CEP135: variants seen among roughly 807,000 people sequenced by gnomAD.
CEP135 encodes the protein centrosomal protein 135.
Under a neutral mutation model 157.3 loss-of-function variants are expected in CEP135, and 142 were observed. That is an observed-to-expected ratio of 0.90 (90% confidence interval 0.79 to 1.04). CEP135 has a LOEUF of 1.04. CEP135 is among the 50% of genes least tolerant of loss of function. The pLI, the probability that CEP135 is intolerant of heterozygous loss-of-function variation, is 0.00. For missense variants in CEP135, 1,317 were observed against 1,309.2 expected (o/e 1.01, Z -0.09); for synonymous variants, 396 against 439.8 (o/e 0.90, Z 1.25).
chr4:56,008,384 T>C lies in CEP135; in HGVS notation c.2336+2T>C. On this transcript the variant is annotated splice_donor_variant, in intron 18 of 25. Transcript: ENST00000257287. LOFTEE classifies it high-confidence loss of function. ...CTCAGAGTGTGAATCATCTGTGAAG[T>C]AAGTCATTAATGAAATTACATCCAG... 1 of 1,605,276 alleles carries C rather than the reference T, an allele frequency of 6.2e-7. No homozygotes were observed. The highest frequency in any genetic ancestry group is 1.1e-5 in the South Asian group (1 of 89,790).
intron 4 of CEP135, among the ~76,000 whole-genome samples, chr4:55,956,125 C>G (rs1728495458): frequency 6.6e-6 from 1 of 152,104 alleles, no homozygotes; most frequent in Non-Finnish European, 1.5e-5. Flanking sequence ...TAGCTTTGTT[C>G]AGGTGTGTGA....
chr4:55,978,350 A>T (rs1190308950), intron 11 of CEP135, among the ~76,000 whole-genome samples: 1 of 152,234 alleles, frequency 6.6e-6, no homozygotes, highest in African/African-American at 2.4e-5. Flanking sequence ...TAATGTGTTT[A>T]TGAAGAAAGT....
At chr4:56,026,743 C>A (rs1731171472) in intron 25 of CEP135, among the ~76,000 whole-genome samples, 1 of 152,128 alleles carries the variant, frequency 6.6e-6, no homozygotes, top group African/African-American at 2.4e-5. Flanking sequence ...TGCCAGGATG[C>A]ATTTGACTGA....
intron 17 of CEP135, 142 bp downstream of exon 17, chr4:55,999,787 G>A (rs1222236540): frequency 1.3e-6 from 1 of 757,864 alleles, no homozygotes; most frequent in South Asian, 2.1e-5. Context: ...CTATCTCTTG[G>A]GCTCAAGGAA....
intron 15 of CEP135, among the ~76,000 whole-genome samples, chr4:55,997,826 A>G (rs1249930581): frequency 6.6e-6 from 1 of 152,194 alleles, no homozygotes; most frequent in Non-Finnish European, 1.5e-5. Context: ...ATCCCATGGA[A>G]CAGCAGTTCT....
In CEP135 at chr4:55,954,377, A is replaced by T; in HGVS notation, c.466A>T (p.Thr156Ser). 1 of 1,590,174 alleles carries T rather than the reference A, an allele frequency of 6.3e-7. No individual in the cohort carries two copies. The highest frequency in any genetic ancestry group is 8.5e-7 in the Non-Finnish European group (1 of 1,172,012). ...QEKNLHAVVQTPGGKKRSIAF... is the reference protein window; with the variant it reads ...QEKNLHAVVQSPGGKKRSIAF... ...AAAGAATTTGCATGCTGTAGTACAA[A>T]CTCCAGGTAAATCGATTCCTTCTCG... The change falls in exon 4 of 26, where the codon ACT (threonine) becomes TCT (serine). Residue 156 changes from threonine to serine, a missense_variant. By Grantham distance (58) the Thr-to-Ser change is moderately conservative. Transcript: ENST00000257287.
chr4:55,972,711 T>A (rs965928148), intron 10 of CEP135, among the ~76,000 whole-genome samples: 1 of 152,236 alleles, frequency 6.6e-6, no homozygotes, highest in Non-Finnish European at 1.5e-5. Context: ...TGAGTTAATA[T>A]GTTGAAGTGC....
intron 17 of CEP135, among the ~76,000 whole-genome samples, chr4:56,004,583 A>G (rs1251062571): frequency 6.6e-6 from 1 of 152,158 alleles, no homozygotes; most frequent in Non-Finnish European, 1.5e-5. Flanking sequence ...ATACCTGGGA[A>G]CCTGGTGTTG....
rs377291462 is a variant in CEP135 at position 55,985,405 on chromosome 4, CTA to C, written c.1857+49_1857+50del. On this transcript the variant is annotated intron_variant, in intron 14 of 25. Coordinates refer to ENST00000257287, the MANE Select transcript of CEP135 (RefSeq NM_025009.5). ...GGGGTATCTTGTGTTATATGAATAACTATGTCAATTACAGTTTTAATACACTA... is the reference window on the plus strand; with the variant it reads ...GGGGTATCTTGTGTTATATGAATAACTGTCAATTACAGTTTTAATACACTA... 4.4e-5 allele frequency: 38 copies of C among 868,204 alleles called. No homozygotes were observed. The African/African-American group carries it at 5.6e-4, about 13-fold the overall frequency. The allele number at this position is 868,204 out of a possible 1,614,324, so 53.8% of individuals were successfully genotyped here. A position where few individuals can be genotyped will look rare whatever the true frequency, so the allele number is the denominator to read the frequency against.
chr4:55,950,862 A>G lies in CEP135; in HGVS notation c.-45-1224A>G, dbSNP rs1728342683. On this transcript the variant is annotated intron_variant, in intron 1 of 25. Coordinates refer to ENST00000257287, the MANE Select transcript of CEP135 (RefSeq NM_025009.5). The stretch of plus-strand genomic sequence containing the variant: ...AAATGTATACACTTGTGTAACCACT[A>G]CCCCAATCAATGTAATATTTTCATT... Among the ~76,000 whole-genome samples the G allele has an allele frequency of 2.0e-5, 3 of 152,130 alleles. No individual in the cohort carries two copies. In the South Asian group the frequency reaches 6.2e-4, roughly 32 times the overall value.
chr4:56,019,997 G>A lies in CEP135; in HGVS notation c.3215+442G>A, dbSNP rs567091644. Among the ~76,000 whole-genome samples, 228 of 152,228 alleles carry A rather than the reference G, an allele frequency of 1.5e-3. 1 individual carries two copies. Among genetic ancestry groups the A allele is most frequent in the South Asian group, 2.7e-3 (13 of 4,820 alleles). On this transcript the variant is annotated intron_variant, in intron 23 of 25. Transcript: ENST00000257287. ...TTTTGGAAATTTAGGAGACTGACTC[G>A]GGAGAAACATCGTGTTGGGAGGTGC...
chr4:55,971,645 G>C (rs1729031083), intron 10 of CEP135, among the ~76,000 whole-genome samples: 1 of 151,640 alleles, frequency 6.6e-6, no homozygotes, highest in Non-Finnish European at 1.5e-5. Context: ...TTTTGCAATA[G>C]AAATGTGTCC....
At chr4:55,951,150 C>G (rs972367873) in intron 1 of CEP135, among the ~76,000 whole-genome samples, 1 of 152,172 alleles carries the variant, frequency 6.6e-6, no homozygotes, top group African/African-American at 2.4e-5. Context: ...TTTACCCCTT[C>G]TGCTGTTGAT....
At chr4:55,965,496 TAAC>T (rs1159121769) in intron 7 of CEP135, 145 bp from the exon 8 acceptor site, 1 of 590,106 alleles carries the variant, frequency 1.7e-6, no homozygotes, top group East Asian at 3.0e-5. Flanking sequence ...GTTTTGTAAA[TAAC>T]AATATAAATT....
chr4:56,020,800 C>T lies in CEP135; in HGVS notation c.3320+20C>T, dbSNP rs1730950384. The T allele has an allele frequency of 1.3e-6, 2 of 1,566,004 alleles. No homozygotes were observed. Among genetic ancestry groups the T allele is most frequent in the East Asian group, 2.2e-5 (1 of 44,496 alleles). On this transcript the variant is annotated intron_variant, in intron 24 of 25. Coordinates refer to ENST00000257287, the MANE Select transcript of CEP135 (RefSeq NM_025009.5). ...CGAACGGTAAGACAAATTTTTTTTA[C>T]ATTTGACAATGTTTTTATGTGTTCT...
At chr4:56,018,629 G>A (rs778256791) in intron 22 of CEP135, among the ~76,000 whole-genome samples, 26 of 152,154 alleles carry the variant, frequency 1.7e-4, no homozygotes, top group South Asian at 2.1e-4. Flanking sequence ...CATGTGGCAT[G>A]TGCCTATAGT....
intron 6 of CEP135, chr4:55,960,296 A>AT (rs938127699): frequency 6.5e-6 from 1 of 152,986 alleles, no homozygotes; most frequent in African/African-American, 2.4e-5. Flanking sequence ...TGTGTTGCTA[A>AT]TTTTTTTGTT....
At chr4:56,024,114 T>C (rs1472243061) in intron 24 of CEP135, among the ~76,000 whole-genome samples, 2 of 145,118 alleles carry the variant, frequency 1.4e-5, no homozygotes, top group Admixed American at 7.0e-5. Flanking sequence ...TGGTATAGTA[T>C]ATAGTATATT....
chr4:55,974,821 G>A lies in CEP135; in HGVS notation c.1325G>A (p.Arg442His), dbSNP rs192961697. ...GIKRRDRSPS[R>H]LDTFLKGIEE... ...AAACGTCGAGACAGGTCACCTTCTC[G>A]TTTAGATACATTTCTGAAAGGTATA... Residue 442 changes from arginine (R) to histidine (H), a missense_variant, in exon 11 of 26, where the codon CGT (arginine) becomes CAT (histidine). By Grantham distance (29) the Arg-to-His change is conservative. Transcript: ENST00000257287. The A allele has an allele frequency of 2.6e-5, 42 of 1,613,802 alleles. No individual in the cohort carries two copies. The highest frequency in any genetic ancestry group is 3.3e-5 in the Admixed American group (2 of 59,990).
Sources: allele counts gnomAD v4.1 joint callset (sites outside exome capture counted in the v4.1 genomes callset), GRCh38; gene constraint gnomAD v4.1.1; transcripts MANE v1.5; gene names NCBI Gene and HGNC (gene_info 2026-07-23, HGNC 2026-07-21).